The following MYH2 variants were observed in gnomAD, a reference collection of about 807,000 sequenced individuals.
MYH2 encodes the protein myosin-2.
MYH2 carries 139 observed loss-of-function variants against 228.1 expected under a neutral mutation model. The observed-to-expected ratio is 0.61, with a 90% CI of 0.53 to 0.70. The LOEUF (loss-of-function observed/expected upper bound fraction) is 0.70, where lower values mean the gene tolerates loss of function less well. Ranked by LOEUF, MYH2 falls within the 30% of genes least tolerant of loss-of-function variation. MYH2 has a pLI of 0.00. For synonymous variants in MYH2, 796 were observed against 871.1 expected, an observed-to-expected ratio of 0.91 and a Z score of 1.52; for missense variants, 1,809 against 2,357.5, an observed-to-expected ratio of 0.77 and a Z score of 4.82.
chr17:10,547,854 C>A lies in MYH2; in HGVS notation c.67G>T (p.Glu23Ter). 1 of 1,614,200 alleles carries A rather than the reference C, an allele frequency of 6.2e-7. No homozygotes were observed. The highest frequency in any genetic ancestry group is 1.7e-5 in the Admixed American group (1 of 60,024). Residue 23 changes from glutamate to a stop codon, truncating the protein, a stop_gained, in exon 3 of 40, where the codon GAG becomes TAG. Transcript: ENST00000245503. LOFTEE classifies it high-confidence loss of function. ...AAPFLRKSER[E>*]RIEAQNRPFD... ...GGCCTATTCTGGGCCTCAATGCGCT[C>A]CCTTTCAGACTTTCGGAGGAAAGGA...
Position 10,539,920 on chromosome 17 carries a change from G to C in MYH2, c.1147+8C>G, listed in dbSNP as rs2073530547. Reference sequence around the variant, plus strand: ...AATGCAAAATCATGGGAGTGACTTAGTTGATACCTTCTGTGCCATCTGGCT... The same window carrying C: ...AATGCAAAATCATGGGAGTGACTTACTTGATACCTTCTGTGCCATCTGGCT... On this transcript the variant is annotated splice_region_variant and intron_variant, in intron 12 of 39. Transcript: ENST00000245503. 6.2e-7 allele frequency: 1 copy of C among 1,613,882 alleles called. No homozygotes were observed. Among genetic ancestry groups the C allele is most frequent in the South Asian group, 1.1e-5 (1 of 91,080 alleles).
intron 14 of MYH2, among the ~76,000 whole-genome samples, chr17:10,538,755 C>T (rs2073513453): frequency 1.3e-5 from 2 of 151,198 alleles, no homozygotes; most frequent in Non-Finnish European, 2.9e-5. Context: ...CTAAGTTTTG[C>T]TTGTATAATT....
Position 10,539,846 on chromosome 17 carries a change from TC to T in MYH2, c.1147+81del, listed in dbSNP as rs2073529631. Reference sequence around the variant, plus strand: ...TTAATTCTTAAAAGTGAATTTACCTTCCCTAGGAAAATTCCTGGGTAACAAG... The same window carrying T: ...TTAATTCTTAAAAGTGAATTTACCTTCCTAGGAAAATTCCTGGGTAACAAG... On this transcript the variant is annotated intron_variant, in intron 12 of 39. Coordinates refer to ENST00000245503, the MANE Select transcript of MYH2 (RefSeq NM_017534.6). The T allele has an allele frequency of 2.5e-6, 4 of 1,581,618 alleles. No homozygotes were observed. In the African/African-American group the frequency reaches 5.4e-5, roughly 21 times the overall value.
In MYH2 at chr17:10,533,516, T is replaced by A. The variant is rs1181618535; in HGVS notation, c.2297A>T (p.His766Leu). The A allele has an allele frequency of 1.2e-6, 2 of 1,614,080 alleles. No individual in the cohort carries two copies. The highest frequency in any genetic ancestry group is 3.3e-5 in the Admixed American group (2 of 60,006). ...GGATTTACAGAAAATTACCTTGGTGTGCCCAAATTTATACTGGGTGTGGTC... is the reference window on the plus strand; with the variant it reads ...GGATTTACAGAAAATTACCTTGGTGAGCCCAAATTTATACTGGGTGTGGTC... Reference protein sequence around the residue: ...DIDHTQYKFGHTKVFFKAGLL... With the variant: ...DIDHTQYKFGLTKVFFKAGLL... The change falls in exon 20 of 40, where the codon CAC becomes CTC. Residue 766 changes from histidine (H) to leucine (L), a missense_variant. Around this residue, in one of 9 missense-constraint regions of MYH2, gnomAD observed 276 missense variants for 344.2 expected, o/e 0.80. Transcript: ENST00000245503.
rs769200700 is a variant in MYH2 at position 10,545,502 on chromosome 17, T to C, written c.349A>G (p.Thr117Ala). The C allele has an allele frequency of 6.8e-6, 11 of 1,613,952 alleles. No homozygotes were observed. Among genetic ancestry groups the C allele is most frequent in the Non-Finnish European group, 1.7e-6 (2 of 1,179,998 alleles). ...KERYAAWMIYTYSGLFCVTVN... is the reference protein window; with the variant it reads ...KERYAAWMIYAYSGLFCVTVN... Reference sequence around the variant, plus strand: ...GTGACACAGAAGAGACCTGAATAGGTCTATGAGAAGGAAAAAGAATAAGTA... The same window carrying C: ...GTGACACAGAAGAGACCTGAATAGGCCTATGAGAAGGAAAAAGAATAAGTA... Residue 117 changes from threonine (T) to alanine (A), a missense_variant and splice_region_variant, in exon 5 of 40, where the codon ACC becomes GCC. This residue lies in a region of MYH2 where 373 missense variants were observed against 620.4 expected (regional missense o/e 0.60). Coordinates refer to ENST00000245503, the MANE Select transcript of MYH2 (RefSeq NM_017534.6).
chr17:10,538,175 T>C (rs1356719197), intron 14 of MYH2, among the ~76,000 whole-genome samples: 1 of 152,164 alleles, frequency 6.6e-6, no homozygotes, highest in Admixed American at 6.5e-5. Context: ...GTTTACAGTT[T>C]TCTGTTGACT....
At chr17:10,531,221 G>C (rs1376260204) in intron 22 of MYH2, among the ~76,000 whole-genome samples, 1 of 152,180 alleles carries the variant, frequency 6.6e-6, no homozygotes, top group Non-Finnish European at 1.5e-5. Flanking sequence ...TATGTCAGCT[G>C]TTCCTATTAT....
At chr17:10,533,166 A>T in intron 21 of MYH2, 119 bp downstream of exon 21, 2 of 1,444,426 alleles carry the variant, frequency 1.4e-6, no homozygotes, top group Non-Finnish European at 1.9e-6. Flanking sequence ...TTCCCACTTC[A>T]TTATAGGACT....
intron 4 of MYH2, 87 bp from the exon 5 acceptor site, chr17:10,545,589 G>T: frequency 6.4e-7 from 1 of 1,551,322 alleles, no homozygotes; most frequent in East Asian, 2.3e-5. Flanking sequence ...TTTTGAGACA[G>T]GGTCTTGCTC....
chr17:10,540,564 A>C lies in MYH2; in HGVS notation c.1008+30T>G, dbSNP rs78283584. ...ATCACCATTACTCTGACCCACCATAATAATTCCAATTTTCTTGTGTTCTAC... is the reference window on the plus strand; with the variant it reads ...ATCACCATTACTCTGACCCACCATACTAATTCCAATTTTCTTGTGTTCTAC... On this transcript the variant is annotated intron_variant, in intron 11 of 39. Coordinates refer to ENST00000245503, the MANE Select transcript of MYH2 (RefSeq NM_017534.6). 695 of 1,534,750 alleles carry C rather than the reference A, an allele frequency of 4.5e-4. 1 individual carries two copies. In the East Asian group the frequency reaches 0.013, roughly 28 times the overall value.
rs748171921 is a variant in MYH2 at position 10,527,030 on chromosome 17, T to A, written c.3898A>T (p.Lys1300Ter). ...SGEFSRQLDE[K>*]EALVSQLSRG... Reference sequence around the variant, plus strand: ...GATAACTGAGACACCAGAGCTTCCTTTTCATCAAGCTGGCGTGAAAACTCA... The same window carrying A: ...GATAACTGAGACACCAGAGCTTCCTATTCATCAAGCTGGCGTGAAAACTCA... The change falls in exon 29 of 40, where the codon AAG becomes TAG. Residue 1300 changes from lysine to a stop codon, truncating the protein, a stop_gained. Transcript: ENST00000245503. LOFTEE classifies it high-confidence loss of function. 6.2e-7 allele frequency: 1 copy of A among 1,614,176 alleles called. No homozygotes were observed.
intron 14 of MYH2, among the ~76,000 whole-genome samples, chr17:10,538,410 G>A (rs1279620531): frequency 2.0e-5 from 3 of 152,062 alleles, no homozygotes; most frequent in African/African-American, 7.3e-5. Context: ...GGGAGGCTGA[G>A]GTGGGCGGAT....
chr17:10,529,513 T>G (rs950010972), intron 24 of MYH2, 32 bp from the exon 25 acceptor site: 1 of 1,614,108 alleles, frequency 6.2e-7, no homozygotes, highest in African/African-American at 1.3e-5. Context: ...TCAGAAGGAA[T>G]GCTTATCTTC....
intron 11 of MYH2, 107 bp downstream of exon 11, chr17:10,540,487 C>T: frequency 1.0e-6 from 1 of 981,512 alleles, no homozygotes; most frequent in South Asian, 1.4e-5. Context: ...TGTCCATTTG[C>T]ATCCTGGAAT....
At chr17:10,527,296 A>G (rs916279704) in intron 28 of MYH2, among the ~76,000 whole-genome samples, 2 of 152,210 alleles carry the variant, frequency 1.3e-5, no homozygotes, top group African/African-American at 4.8e-5. Context: ...ATTCTTTCAG[A>G]ATTATATGAT....
rs1466156690 is a variant in MYH2, at chr17:10,524,590, G to T, written c.5051C>A (p.Ala1684Asp). ...CTCGATCTCAGCCTGCAGCAGGTTG[G>T]CTCTGCGCTCCACCATGGCCAGCTG... The part of the protein sequence containing the change: ...KEQLAMVERR[A>D]NLLQAEIEEL... Residue 1684 changes from alanine to aspartate, a missense_variant, in exon 35 of 40, where the codon GCC (alanine) becomes GAC (aspartate). Ala to Asp is a moderately radical substitution (Grantham distance 126, BLOSUM62 -2). Coordinates refer to ENST00000245503, the MANE Select transcript of MYH2 (RefSeq NM_017534.6). The surrounding 1 kb of genome is among the most constrained non-coding windows in gnomAD (Gnocchi z 4.7). 1 of 1,614,030 alleles carries T rather than the reference G, an allele frequency of 6.2e-7. No homozygotes were observed. The highest frequency in any genetic ancestry group is 8.5e-7 in the Non-Finnish European group (1 of 1,180,034).
chr17:10,540,616 T>C lies in MYH2; in HGVS notation c.986A>G (p.Gln329Arg), dbSNP rs1023760701. 9.3e-6 allele frequency: 15 copies of C among 1,612,836 alleles called. No individual in the cohort carries two copies. Among genetic ancestry groups the C allele is most frequent in the Non-Finnish European group, 1.3e-5 (15 of 1,178,916 alleles). Residue 329 changes from glutamine to arginine, a missense_variant, in exon 11 of 40, where the codon CAG becomes CGG. Coordinates refer to ENST00000245503, the MANE Select transcript of MYH2 (RefSeq NM_017534.6). ...TACATCTGTGGCCATCAGTTCTTCC[T>C]GATCATCGATGCTGGCCACACTGAT... ...GEISVASIDD[Q>R]EELMATDSAI... is the part of the protein sequence containing the mutation.
chr17:10,525,959 G>A lies in MYH2; in HGVS notation c.4188-83C>T. On this transcript the variant is annotated intron_variant, in intron 30 of 39. Coordinates refer to ENST00000245503, the MANE Select transcript of MYH2 (RefSeq NM_017534.6). This position sits in a 1 kb window ranked among gnomAD's most constrained non-coding sequence, Gnocchi z 4.2. ...TTGCCACACACGCTGAAGAGTGTTA[G>A]AAACTTCACATTAATGCTGCCCAGC... 1 of 1,444,860 alleles carries A rather than the reference G, an allele frequency of 6.9e-7. No individual in the cohort carries two copies. 89.5% of individuals were successfully genotyped at this position (1,444,860 alleles called of 1,614,324 possible). A position where few individuals can be genotyped will look rare whatever the true frequency, so the allele number is the denominator to read the frequency against.
At chr17:10,522,529 A>G (rs1247211525) in intron 39 of MYH2, among the ~76,000 whole-genome samples, 1 of 152,056 alleles carries the variant, frequency 6.6e-6, no homozygotes, top group Non-Finnish European at 1.5e-5. Context: ...TATTTTTAAC[A>G]GTACTTCTTA....
Sources: allele counts gnomAD v4.1 joint callset (sites outside exome capture counted in the v4.1 genomes callset), GRCh38; gene constraint gnomAD v4.1.1; regional missense constraint gnomAD v4.1.1; non-coding constraint Gnocchi (gnomAD v3.1); transcripts MANE v1.5; gene names NCBI Gene and HGNC (gene_info 2026-07-23, HGNC 2026-07-21).